The following WWOX variants were observed in gnomAD, a reference collection of about 807,000 sequenced individuals.
The protein encoded by WWOX is WW domain-containing oxidoreductase.
WWOX carries 69 observed loss-of-function variants against 46.2 expected under a neutral mutation model. The ratio of observed to expected loss-of-function variants is 1.49; its 90% CI spans 1.23 to 1.82. The LOEUF (loss-of-function observed/expected upper bound fraction) is 1.82. Ranked by LOEUF, WWOX falls within the 40% of genes most tolerant of loss-of-function variation. The pLI, the probability that WWOX is intolerant of heterozygous loss-of-function variation, is 0.00. For missense variants in WWOX, 919 were observed against 542.6 expected (o/e 1.69, Z -6.89); for synonymous variants, 359 against 202.6 (o/e 1.77, Z -6.56).
Position 79,097,654 on chromosome 16 carries a change from G to T in WWOX, c.1057-113954G>T, listed in dbSNP as rs1264619605. ...TCGTACTCCAAAGGGGGTTAGGTTT[G>T]TGTGCTAGGGGTGAACGCTGTGCAA... On this transcript the variant is annotated intron_variant, in intron 8 of 8. Transcript: ENST00000566780. Among the ~76,000 whole-genome samples the T allele has an allele frequency of 3.3e-5, 5 of 152,146 alleles. No homozygotes were observed. The East Asian group carries it at 9.7e-4, about 29-fold the overall frequency.
intron 5 of WWOX, among the ~76,000 whole-genome samples, chr16:78,266,824 C>T (rs1196734616): frequency 6.8e-6 from 1 of 146,588 alleles, no homozygotes; most frequent in African/African-American, 2.5e-5. Flanking sequence ...CTCTCTCTCT[C>T]TGTCTCCCTC....
chr16:78,857,427 A>C (rs898696036), intron 8 of WWOX, among the ~76,000 whole-genome samples: 5 of 152,208 alleles, frequency 3.3e-5, no homozygotes, highest in Non-Finnish European at 7.3e-5. Flanking sequence ...CTGGTCTGGA[A>C]TAGAACCTTT....
At chr16:78,796,399 G>A (rs1378483103) in intron 8 of WWOX, among the ~76,000 whole-genome samples, 1 of 152,196 alleles carries the variant, frequency 6.6e-6, no homozygotes, top group East Asian at 1.9e-4. Context: ...GTCAAGCCTG[G>A]AAGCAGTGAG....
intron 8 of WWOX, among the ~76,000 whole-genome samples, chr16:78,845,085 C>T (rs915802381): frequency 6.6e-6 from 1 of 151,722 alleles, no homozygotes; most frequent in Non-Finnish European, 1.5e-5. Flanking sequence ...GTCGTTGTCT[C>T]CTCCTATTTA....
chr16:78,850,571 C>T (rs1005393585), intron 8 of WWOX, among the ~76,000 whole-genome samples: 1 of 152,144 alleles, frequency 6.6e-6, no homozygotes, highest in African/African-American at 2.4e-5. Context: ...AGTCCCCTCT[C>T]CCCCATTGTT....
chr16:79,212,479 C>A lies in WWOX; in HGVS notation c.*683C>A. 4.5e-6 allele frequency: 1 copy of A among 223,946 alleles called. No homozygotes were observed. The highest frequency in any genetic ancestry group is 8.9e-6 in the Non-Finnish European group (1 of 111,740). 13.9% of individuals were successfully genotyped at this position (223,946 alleles called of 1,614,324 possible). A position where few individuals can be genotyped will look rare whatever the true frequency, so the allele number is the denominator to read the frequency against. On this transcript the variant is annotated 3_prime_UTR_variant, in exon 9 of 9. Transcript: ENST00000566780. The stretch of plus-strand genomic sequence containing the variant: ...ATTTTTCAAATCATTCCTTAGATAC[C>A]TTGAAAGGCAGGAAGGGAAGCGTAT...
intron 8 of WWOX, among the ~76,000 whole-genome samples, chr16:78,676,959 G>A (rs1222111674): frequency 2.6e-5 from 4 of 152,012 alleles, no homozygotes; most frequent in Non-Finnish European, 5.9e-5. Context: ...TAAAAACGGT[G>A]TTTCCTCTGG....
chr16:78,695,879 C>T lies in WWOX; in HGVS notation c.1056+263127C>T, dbSNP rs2245057. On this transcript the variant is annotated intron_variant, in intron 8 of 8. Coordinates refer to ENST00000566780, the MANE Select transcript of WWOX (RefSeq NM_016373.4). ...CAGATGTCATTCCTTAAAGGGGCTG[C>T]ACTGAATTAGACCAGGGGTTCTCAA... Among the ~76,000 whole-genome samples, 9 of 152,312 alleles carry T rather than the reference C, an allele frequency of 5.9e-5. No individual in the cohort carries two copies. In the South Asian group the frequency reaches 1.9e-3, roughly 32 times the overall value.
intron 8 of WWOX, among the ~76,000 whole-genome samples, chr16:78,911,910 A>G (rs925966296): frequency 1.3e-5 from 2 of 151,992 alleles, no homozygotes; most frequent in African/African-American, 2.4e-5. Context: ...ATCATTCTCA[A>G]GCTTAGTGTG....
At chr16:78,249,193 A>C (rs1287560226) in intron 5 of WWOX, among the ~76,000 whole-genome samples, 1 of 152,052 alleles carries the variant, frequency 6.6e-6, no homozygotes, top group Non-Finnish European at 1.5e-5. Context: ...GGAATGGTTA[A>C]ATGTCTTTCC....
At chr16:78,982,833 C>A (rs772928892) in intron 8 of WWOX, among the ~76,000 whole-genome samples, 1 of 152,120 alleles carries the variant, frequency 6.6e-6, no homozygotes, top group African/African-American at 2.4e-5. Context: ...CCCTTCTGAG[C>A]CCCTCTTTAT....
At chr16:79,039,470 G>C (rs138766918) in intron 8 of WWOX, among the ~76,000 whole-genome samples, 37 of 152,276 alleles carry the variant, frequency 2.4e-4, no homozygotes, top group African/African-American at 8.4e-4. Context: ...TGCAGAACCA[G>C]AGGCGACGCA....
chr16:78,519,463 T>C (rs1357221612), intron 8 of WWOX, among the ~76,000 whole-genome samples: 1 of 151,888 alleles, frequency 6.6e-6, no homozygotes, highest in Non-Finnish European at 1.5e-5. Flanking sequence ...TCTAATTTTT[T>C]TCTTCATTTA....
At chr16:78,887,317 A>T (rs757960093) in intron 8 of WWOX, among the ~76,000 whole-genome samples, 2 of 151,942 alleles carry the variant, frequency 1.3e-5, no homozygotes, top group African/African-American at 4.8e-5. Context: ...GCCCAACTCT[A>T]TTTTAATCTG....
intron 8 of WWOX, among the ~76,000 whole-genome samples, chr16:78,481,855 T>C (rs1349201570): frequency 1.3e-5 from 2 of 151,042 alleles, no homozygotes; most frequent in African/African-American, 4.8e-5. Flanking sequence ...CCTTTTCTAT[T>C]AATCTTCTTG....
intron 8 of WWOX, among the ~76,000 whole-genome samples, chr16:78,504,690 G>A (rs1335378496): frequency 1.3e-5 from 2 of 152,126 alleles, no homozygotes; most frequent in Non-Finnish European, 2.9e-5. Context: ...GGGAGGATGG[G>A]AGAATTAATT....
At chr16:78,134,067 G>C (rs929221209) in intron 4 of WWOX, among the ~76,000 whole-genome samples, 1 of 152,206 alleles carries the variant, frequency 6.6e-6, no homozygotes, top group Non-Finnish European at 1.5e-5. Flanking sequence ...CTATGTGTCT[G>C]TGTTTCTCAT....
chr16:78,223,127 C>T (rs2036945656), intron 5 of WWOX, among the ~76,000 whole-genome samples: 1 of 152,198 alleles, frequency 6.6e-6, no homozygotes, highest in Admixed American at 6.5e-5. Context: ...CTGTGACTGT[C>T]AGTAGCAGAA....
intron 5 of WWOX, among the ~76,000 whole-genome samples, chr16:78,301,423 TC>T (rs2080039380): frequency 6.6e-6 from 1 of 152,206 alleles, no homozygotes; most frequent in Non-Finnish European, 1.5e-5. Flanking sequence ...TTTATTTTTT[TC>T]ATACTTTTCT....
Sources: gnomAD v4.1 joint callset for allele counts (sites outside exome capture counted in the v4.1 genomes callset) on GRCh38, gnomAD v4.1.1 for gene constraint, MANE v1.5 for transcripts, NCBI Gene and HGNC (gene_info 2026-07-23, HGNC 2026-07-21) for gene names.